The following CNTNAP2 variants were observed in gnomAD, a reference collection of about 807,000 sequenced individuals.
The protein encoded by CNTNAP2 is contactin-associated protein-like 2.
In CNTNAP2, 98 loss-of-function variants were observed where a neutral mutation model predicts 155.2. The observed-to-expected ratio is 0.63, with a 90% CI of 0.54 to 0.75. The LOEUF is 0.75. Among genes scored for constraint, CNTNAP2 ranks in the 30% least tolerant of loss-of-function variants. CNTNAP2 has a pLI of 0.00. For synonymous variants in CNTNAP2, 651 were observed against 631.2 expected, an observed-to-expected ratio of 1.03 and a Z score of -0.47; for missense variants, 1,727 against 1,688.1, an observed-to-expected ratio of 1.02 and a Z score of -0.40.
intron 15 of CNTNAP2, among the ~76,000 whole-genome samples, chr7:148,008,923 C>T (rs547520636): frequency 6.6e-6 from 1 of 152,302 alleles, no homozygotes; most frequent in East Asian, 1.9e-4. Context: ...AAGGAGGCAA[C>T]ATAACCACAT....
chr7:146,262,445 G>A (rs1349274718), intron 1 of CNTNAP2, among the ~76,000 whole-genome samples: 1 of 152,098 alleles, frequency 6.6e-6, no homozygotes, highest in African/African-American at 2.4e-5. Context: ...ATCCAGTTGA[G>A]CAAAGTCATA....
chr7:148,396,047 G>A (rs757625532), intron 22 of CNTNAP2, among the ~76,000 whole-genome samples: 33 of 152,248 alleles, frequency 2.2e-4, no homozygotes, highest in South Asian at 1.5e-3. Context: ...ACTCAAAGGT[G>A]CATTTTCCTG....
chr7:148,231,241 A>G (rs565334610), intron 20 of CNTNAP2, among the ~76,000 whole-genome samples: 1 of 152,250 alleles, frequency 6.6e-6, no homozygotes, highest in East Asian at 1.9e-4. Flanking sequence ...GATGATTTTT[A>G]AGACTTGGGG....
At chr7:146,766,033 G>A (rs771256899) in intron 1 of CNTNAP2, among the ~76,000 whole-genome samples, 13 of 151,996 alleles carry the variant, frequency 8.6e-5, no homozygotes, top group Non-Finnish European at 1.9e-4. Context: ...GTGGAGCTTC[G>A]ATTTTATACT....
At chr7:146,459,175 C>T (rs527694943) in intron 1 of CNTNAP2, among the ~76,000 whole-genome samples, 23 of 152,238 alleles carry the variant, frequency 1.5e-4, no homozygotes, top group Non-Finnish European at 2.2e-4. Flanking sequence ...TTCTACTCAC[C>T]GATGAAATTG....
intron 15 of CNTNAP2, among the ~76,000 whole-genome samples, chr7:148,033,394 G>A (rs1293972679): frequency 3.4e-5 from 5 of 147,590 alleles, no homozygotes; most frequent in Admixed American, 6.7e-5. Flanking sequence ...TGTTCAGAAC[G>A]TGCAGGTTTG....
At chr7:147,024,620 G>C (rs1219366336) in intron 3 of CNTNAP2, among the ~76,000 whole-genome samples, 1 of 152,148 alleles carries the variant, frequency 6.6e-6, no homozygotes, top group Admixed American at 6.5e-5. Flanking sequence ...TAATTTAAAA[G>C]ATTATATGTC....
intron 1 of CNTNAP2, among the ~76,000 whole-genome samples, chr7:146,684,948 G>C (rs1298450727): frequency 4.6e-5 from 7 of 152,120 alleles, no homozygotes; most frequent in Non-Finnish European, 1.5e-5. Context: ...AAGAGCCACA[G>C]ATTTTAAAAT....
At chr7:148,141,906 A>G (rs1563213131) in intron 16 of CNTNAP2, among the ~76,000 whole-genome samples, 1 of 152,208 alleles carries the variant, frequency 6.6e-6, no homozygotes, top group Non-Finnish European at 1.5e-5. Context: ...GTGAAGGAGA[A>G]AGTCCTATGT....
chr7:146,454,134 G>A (rs1311696074), intron 1 of CNTNAP2, among the ~76,000 whole-genome samples: 1 of 152,162 alleles, frequency 6.6e-6, no homozygotes, highest in Non-Finnish European at 1.5e-5. Flanking sequence ...AACTTCTTGA[G>A]TAGGATTGAA....
chr7:147,542,579 T>C (rs923613328), intron 11 of CNTNAP2, among the ~76,000 whole-genome samples: 1 of 152,224 alleles, frequency 6.6e-6, no homozygotes, highest in Non-Finnish European at 1.5e-5. Flanking sequence ...CATAGTCATA[T>C]GCTTATGTTA....
At chr7:146,743,409 T>A (rs995262618) in intron 1 of CNTNAP2, among the ~76,000 whole-genome samples, 2 of 152,170 alleles carry the variant, frequency 1.3e-5, no homozygotes, top group Non-Finnish European at 2.9e-5. Context: ...ATATTTTTCA[T>A]CCCTGGAATT....
chr7:147,983,047 A>G (rs1298942242), intron 15 of CNTNAP2, among the ~76,000 whole-genome samples: 1 of 102,048 alleles, frequency 9.8e-6, no homozygotes. Flanking sequence ...GCAAAAACAG[A>G]CAAGGCAATA....
intron 8 of CNTNAP2, among the ~76,000 whole-genome samples, chr7:147,200,321 C>G (rs1035002234): frequency 2.6e-5 from 4 of 152,122 alleles, no homozygotes; most frequent in Non-Finnish European, 5.9e-5. Flanking sequence ...AACAGCTCCA[C>G]GGATGCTGGC....
At chr7:147,221,175 A>C (rs1803391742) in intron 8 of CNTNAP2, among the ~76,000 whole-genome samples, 1 of 152,142 alleles carries the variant, frequency 6.6e-6, no homozygotes, top group South Asian at 2.1e-4. Flanking sequence ...CATCCCTTGT[A>C]TCATTAATGT....
intron 8 of CNTNAP2, among the ~76,000 whole-genome samples, chr7:147,255,550 C>G (rs1368339613): frequency 1.3e-5 from 2 of 151,942 alleles, no homozygotes; most frequent in Non-Finnish European, 2.9e-5. Context: ...GCATTGGGTA[C>G]TATGTATTTT....
intron 15 of CNTNAP2, among the ~76,000 whole-genome samples, chr7:148,110,684 AAGGGCCGGGCTC>A (rs1276734439): frequency 2.6e-5 from 4 of 152,174 alleles, no homozygotes; most frequent in Non-Finnish European, 5.9e-5. Context: ...GGAGGCAGGC[AAGGGCCGGGCTC>A]AGAGCCGGAG....
chr7:148,366,850 C>T (rs1187167157), intron 21 of CNTNAP2, among the ~76,000 whole-genome samples: 2 of 152,160 alleles, frequency 1.3e-5, no homozygotes, highest in Admixed American at 1.3e-4. Context: ...ACTTCAGGCC[C>T]TTCTTCAAAA....
Position 147,709,907 on chromosome 7 carries a change from A to G in CNTNAP2, c.2098+70601A>G, listed in dbSNP as rs1397863693. Among the ~76,000 whole-genome samples, 4 of 152,112 alleles carry G rather than the reference A, an allele frequency of 2.6e-5. No individual in the cohort carries two copies. The East Asian group carries it at 7.7e-4, about 29-fold the overall frequency. The stretch of plus-strand genomic sequence containing the variant: ...GCTTATTTTTTTCTTTTGCTCCTTT[A>G]TGTCCAACTAGTTACTAAATTATGT... On this transcript the variant is annotated intron_variant, in intron 13 of 23. Transcript: ENST00000361727.
Sources: allele counts gnomAD v4.1 joint callset (sites outside exome capture counted in the v4.1 genomes callset), GRCh38; gene constraint gnomAD v4.1.1; transcripts MANE v1.5; gene names NCBI Gene and HGNC (gene_info 2026-07-23, HGNC 2026-07-21).